Variants in ZHX3 observed in about 807,000 individuals in gnomAD.
The protein encoded by ZHX3 is zinc fingers and homeoboxes protein 3.
In ZHX3, 20 loss-of-function variants were observed where a neutral mutation model predicts 64.5. The ratio of observed to expected loss-of-function variants is 0.31; its 90% CI spans 0.22 to 0.45. The LOEUF (loss-of-function observed/expected upper bound fraction) is 0.45. Among genes scored for constraint, ZHX3 ranks in the 20% least tolerant of loss-of-function variants. The pLI is 1.00. For missense variants in ZHX3, 1,041 were observed against 1,195.8 expected (o/e 0.87, Z 1.91); for synonymous variants, 423 against 461.6 (o/e 0.92, Z 1.07).
chr20:41,196,391 AT>A (rs57426007), intron 3 of ZHX3, among the ~76,000 whole-genome samples: 57 of 55,238 alleles, frequency 1.0e-3, no homozygotes, highest in Non-Finnish European at 1.3e-3. Context: ...ATAAATATAT[AT>A]TTATATATAT....
intron 2 of ZHX3, among the ~76,000 whole-genome samples, chr20:41,221,022 G>GA (rs2039908982): frequency 6.6e-6 from 1 of 151,250 alleles, no homozygotes; most frequent in Non-Finnish European, 1.5e-5. Flanking sequence ...GTGATTTTTT[G>GA]GAAAAAAAGA....
chr20:41,219,327 C>T lies in ZHX3; in HGVS notation c.-150-14261G>A, dbSNP rs1322109723. ...AAGTAAACATTAATTTGTTCTTTCT[C>T]AAGCTCAGAAGGTGATTGTGATATA... On this transcript the variant is annotated intron_variant, in intron 2 of 3. Coordinates refer to ENST00000683867, the MANE Select transcript of ZHX3 (RefSeq NM_001384317.1). The surrounding 1 kb of genome is among the most constrained non-coding windows in gnomAD (Gnocchi z 5.0). 6.6e-6 allele frequency among the ~76,000 whole-genome samples: 1 copy of T among 152,158 alleles called. No homozygotes were observed. The highest frequency in any genetic ancestry group is 1.5e-5 in the Non-Finnish European group (1 of 68,036).
At chr20:41,308,948 C>G (rs2045054269) in intron 1 of ZHX3, among the ~76,000 whole-genome samples, 2 of 152,106 alleles carry the variant, frequency 1.3e-5, no homozygotes, top group African/African-American at 4.8e-5. Flanking sequence ...CTAAATTGCA[C>G]AACTTCCTTC....
At position 41,202,475 on chromosome 20, in the gene ZHX3, A is replaced by G. The variant is rs1030743625; in HGVS notation, c.2442T>C (p.Asp814=). The change falls in exon 3 of 4, where the codon GAT becomes GAC. Residue 814 remains aspartate, a synonymous_variant. Transcript: ENST00000683867. The surrounding 1 kb of genome is among the most constrained non-coding windows in gnomAD (Gnocchi z 7.0). ...GGCCGTTCTTCAGTGCGTACCTGCT[A>G]TCTCCAAACCAGCGCACCACCTCTG... The part of the protein sequence containing the change: ...PRPEVVRWFG[D]SRYALKNGQL... 6.2e-7 allele frequency: 1 copy of G among 1,613,986 alleles called. No individual in the cohort carries two copies. Among genetic ancestry groups the G allele is most frequent in the Admixed American group, 1.7e-5 (1 of 60,002 alleles).
chr20:41,276,054 T>C (rs1481744982), intron 1 of ZHX3, among the ~76,000 whole-genome samples: 1 of 152,046 alleles, frequency 6.6e-6, no homozygotes, highest in East Asian at 1.9e-4. Context: ...CTACAAGGAA[T>C]GAGATAGGAG....
At chr20:41,292,624 C>T (rs191985430) in intron 1 of ZHX3, among the ~76,000 whole-genome samples, 372 of 152,282 alleles carry the variant, frequency 2.4e-3, no homozygotes, top group African/African-American at 7.7e-3. Context: ...TGCATGAGTA[C>T]CTTTCAGTTT....
At chr20:41,236,009 C>T (rs1210455519) in intron 2 of ZHX3, among the ~76,000 whole-genome samples, 5 of 152,176 alleles carry the variant, frequency 3.3e-5, no homozygotes, top group African/African-American at 1.2e-4. Flanking sequence ...CATGAGTGAA[C>T]TCCCATTCAC....
intron 1 of ZHX3, among the ~76,000 whole-genome samples, chr20:41,316,530 C>G (rs954332093): frequency 6.6e-6 from 1 of 152,070 alleles, no homozygotes; most frequent in African/African-American, 2.4e-5. Context: ...TACTGTAATC[C>G]TTTTTTAAAT....
intron 2 of ZHX3, among the ~76,000 whole-genome samples, chr20:41,216,431 T>C (rs1255171548): frequency 2.6e-5 from 4 of 152,234 alleles, no homozygotes; most frequent in African/African-American, 9.6e-5. Context: ...TAGGCATAGC[T>C]TACTATAATT....
intron 2 of ZHX3, among the ~76,000 whole-genome samples, chr20:41,206,871 A>C (rs1381891417): frequency 1.3e-5 from 2 of 152,368 alleles, no homozygotes; most frequent in African/African-American, 2.4e-5. Context: ...GTTGAAATGA[A>C]GGAAAAAATG....
rs1279362359 is a variant in ZHX3 at position 41,317,170 on chromosome 20, C to G, written c.-245+339G>C. The G allele has an allele frequency of 2.6e-5, 4 of 153,000 alleles. No homozygotes were observed. The East Asian group carries it at 7.7e-4, about 29-fold the overall frequency. The allele number at this position is 153,000 out of a possible 1,614,324, so 9.5% of individuals were successfully genotyped here. On this transcript the variant is annotated intron_variant, in intron 1 of 3. Transcript: ENST00000683867. ...GCCCCCGCTTCCCCTCTACCACCCC[C>G]TTTTGCGCCTTCTACGATGGTGGCA...
chr20:41,241,963 A>G (rs1259570429), intron 2 of ZHX3, among the ~76,000 whole-genome samples: 1 of 152,078 alleles, frequency 6.6e-6, no homozygotes, highest in Non-Finnish European at 1.5e-5. Context: ...AATTACTGTC[A>G]TTATCAGATT....
At chr20:41,275,382 T>C (rs1206518034) in intron 1 of ZHX3, among the ~76,000 whole-genome samples, 1 of 151,970 alleles carries the variant, frequency 6.6e-6, no homozygotes, top group Non-Finnish European at 1.5e-5. Flanking sequence ...AATTTCTGAG[T>C]CAATGTTTAT....
At chr20:41,253,759 A>G (rs1048301632) in intron 2 of ZHX3, among the ~76,000 whole-genome samples, 9 of 152,154 alleles carry the variant, frequency 5.9e-5, no homozygotes, top group African/African-American at 2.2e-4. Context: ...AATTACCTCT[A>G]CTTAGCGATA....
At chr20:41,264,534 G>C (rs1027539009) in intron 2 of ZHX3, among the ~76,000 whole-genome samples, 3 of 146,184 alleles carry the variant, frequency 2.1e-5, no homozygotes, top group Non-Finnish European at 4.5e-5. Flanking sequence ...ACTCCAGCCT[G>C]GGCAACAAGA....
At chr20:41,283,680 C>T (rs2146702545) in intron 1 of ZHX3, among the ~76,000 whole-genome samples, 1 of 152,252 alleles carries the variant, frequency 6.6e-6, no homozygotes, top group Non-Finnish European at 1.5e-5. Flanking sequence ...TGATGTGAAC[C>T]TGGGAGGCGG....
At chr20:41,256,703 G>A (rs1600526614) in intron 2 of ZHX3, among the ~76,000 whole-genome samples, 2 of 150,604 alleles carry the variant, frequency 1.3e-5, no homozygotes, top group Non-Finnish European at 1.5e-5. Context: ...TTCCCTTCAC[G>A]GACAGAGCCA....
chr20:41,210,478 A>C (rs2039074432), intron 2 of ZHX3, among the ~76,000 whole-genome samples: 1 of 152,236 alleles, frequency 6.6e-6, no homozygotes, highest in South Asian at 2.1e-4. Context: ...CTGGATTAAG[A>C]AAATGTGGCA....
chr20:41,312,592 G>A (rs2045172528), intron 1 of ZHX3, among the ~76,000 whole-genome samples: 1 of 152,196 alleles, frequency 6.6e-6, no homozygotes, highest in Admixed American at 6.5e-5. Context: ...TGCTGAGATA[G>A]AGGACAATGG....
Sources: allele counts gnomAD v4.1 joint callset (sites outside exome capture counted in the v4.1 genomes callset), GRCh38; gene constraint gnomAD v4.1.1; non-coding constraint Gnocchi (gnomAD v3.1); transcripts MANE v1.5; gene names NCBI Gene and HGNC (gene_info 2026-07-23, HGNC 2026-07-21).